ABCA9: variants seen among roughly 807,000 people sequenced by gnomAD.
ABCA9 encodes the protein ATP-binding cassette sub-family A member 9.
In ABCA9, 183 loss-of-function variants were observed where a neutral mutation model predicts 205.3. The ratio of observed to expected loss-of-function variants is 0.89; its 90% CI spans 0.79 to 1.01. The LOEUF is 1.01. Ranked by LOEUF, ABCA9 falls within the 50% of genes least tolerant of loss-of-function variation. ABCA9 has a pLI of 0.00. For synonymous variants in ABCA9, 651 were observed against 683.3 expected (o/e 0.95, Z 0.74); for missense variants, 1,805 against 1,912.4 (o/e 0.94, Z 1.05).
chr17:68,987,758 G>GTTTTTTTTTTTTTTTTTTTTT lies in ABCA9; in HGVS notation c.4047+1268_4047+1269insAAAAAAAAAAAAAAAAAAAAA, dbSNP rs72302464. 5.2e-5 allele frequency among the ~76,000 whole-genome samples: 5 copies of GTTTTTTTTTTTTTTTTTTTTT among 95,416 alleles called. 1 individual carries two copies. The highest frequency in any genetic ancestry group is 8.0e-5 in the Non-Finnish European group (3 of 37,394). 62.6% of individuals were successfully genotyped at this position (95,416 alleles called of 152,430 possible). A position where few individuals can be genotyped will look rare whatever the true frequency, so the allele number is the denominator to read the frequency against. On this transcript the variant is annotated intron_variant, in intron 31 of 38. Transcript: ENST00000340001. ...TGCGTTTTTTTTTGTTTGTTTGTTT[G>GTTTTTTTTTTTTTTTTTTTTT]TTTGTTTGTTTTTTTGTTTGAGATG...
In ABCA9 at chr17:68,986,479, G is replaced by A. The variant is rs576998334; in HGVS notation, c.4048-155C>T. On this transcript the variant is annotated intron_variant, in intron 31 of 38. Transcript: ENST00000340001. ...AATCACTTAACTTTGGGGAAAAGGTGGTAAAAGCCCACTTTAAAAGGCAGA... is the reference window on the plus strand; with the variant it reads ...AATCACTTAACTTTGGGGAAAAGGTAGTAAAAGCCCACTTTAAAAGGCAGA... 6.6e-5 allele frequency: 43 copies of A among 652,018 alleles called. No homozygotes were observed. The African/African-American group carries it at 6.7e-4, about 10-fold the overall frequency. The allele number at this position is 652,018 out of a possible 1,614,324, so 40.4% of individuals were successfully genotyped here. A position where few individuals can be genotyped will look rare whatever the true frequency, so the allele number is the denominator to read the frequency against.
At chr17:69,078,937 A>C in the ABCA9 span, 21 of 1,313,808 alleles carry the variant, frequency 1.6e-5, no homozygotes, top group Non-Finnish European at 2.3e-5. Flanking sequence ...ACATGAGTTT[A>C]TAGGAGATCA....
chr17:69,078,949 CA>C, the ABCA9 span: 2 of 1,504,402 alleles, frequency 1.3e-6, no homozygotes, highest in Non-Finnish European at 1.8e-6. Flanking sequence ...AGGAGATCAA[CA>C]AAAAATTACT....
Position 69,024,239 on chromosome 17 carries a change from A to C in ABCA9, c.2256T>G (p.Pro752=), listed in dbSNP as rs1296890312. The C allele has an allele frequency of 1.9e-6, 3 of 1,612,724 alleles. No individual in the cohort carries two copies. In the Admixed American group the frequency reaches 5.0e-5, roughly 27 times the overall value. The change falls in exon 17 of 39, where the codon CCT becomes CCG. Residue 752 remains proline (P), a synonymous_variant. Transcript: ENST00000340001. The part of the protein sequence containing the change: ...QSEEKLVYIL[P]LERTNKFPEL... ...CTGGAAATTTGTTTGTCCTTTCCAA[A>C]GGCAAAATATATACAAGTTTTTCTT...
At chr17:68,989,195 G>T in intron 30 of ABCA9, 77 bp from the exon 31 acceptor site, 1 of 880,628 alleles carries the variant, frequency 1.1e-6, no homozygotes, top group Non-Finnish European at 1.9e-6. Context: ...TGAGGGCTGT[G>T]TGTCAAGTGC....
chr17:69,025,063 C>T (rs117274466), intron 16 of ABCA9, among the ~76,000 whole-genome samples: 7 of 152,154 alleles, frequency 4.6e-5, no homozygotes, highest in Non-Finnish European at 1.0e-4. Flanking sequence ...AGGTATAGTA[C>T]TTACAAGTGC....
At chr17:69,007,923 T>C (rs1470700564) in intron 24 of ABCA9, 51 bp from the exon 25 acceptor site, 1 of 1,407,716 alleles carries the variant, frequency 7.1e-7, no homozygotes, top group Non-Finnish European at 9.9e-7. Flanking sequence ...TCTAGAAGAG[T>C]ACTCATATTT....
At chr17:69,068,507 C>T in the ABCA9 span, among the ~76,000 whole-genome samples, 5 of 151,982 alleles carry the variant, frequency 3.3e-5, no homozygotes, top group Non-Finnish European at 7.4e-5. Context: ...AAAATAAATA[C>T]CCAGATGCCA....
chr17:68,982,058 C>A (rs2069072648), intron 37 of ABCA9, among the ~76,000 whole-genome samples: 1 of 152,192 alleles, frequency 6.6e-6, no homozygotes, highest in East Asian at 1.9e-4. Flanking sequence ...GATTAACACA[C>A]CTAAACAGAG....
chr17:69,011,913 C>T (rs1421964831), intron 23 of ABCA9, 63 bp downstream of exon 23: 7 of 1,102,832 alleles, frequency 6.3e-6, no homozygotes, highest in Admixed American at 2.4e-5. Context: ...AATTTATAGT[C>T]GTAAGGGTGT....
rs2144180476 is a variant in ABCA9, at chr17:69,008,187, A to T, written c.3196T>A (p.Tyr1066Asn). 1 of 1,614,126 alleles carries T rather than the reference A, an allele frequency of 6.2e-7. No individual in the cohort carries two copies. The highest frequency in any genetic ancestry group is 2.2e-5 in the East Asian group (1 of 44,880). ...LRISGLYPSA[Y>N]WFGQALVDVS... ...TCCACCAGTGCTTGGCCAAACCAGTATGCAGAAGGGTAGAGGCCTGAAATC... is the reference window on the plus strand; with the variant it reads ...TCCACCAGTGCTTGGCCAAACCAGTTTGCAGAAGGGTAGAGGCCTGAAATC... The change falls in exon 24 of 39, where the codon TAC becomes AAC. Residue 1066 changes from tyrosine (Y) to asparagine (N), a missense_variant. By Grantham distance (143) the Tyr-to-Asn change is moderately radical. Coordinates refer to ENST00000340001, the MANE Select transcript of ABCA9 (RefSeq NM_080283.4).
chr17:69,057,926 A>T (rs1458602678), intron 1 of ABCA9, among the ~76,000 whole-genome samples: 3 of 152,188 alleles, frequency 2.0e-5, no homozygotes, highest in Non-Finnish European at 2.9e-5. Flanking sequence ...TAAGCTAGAG[A>T]TGATTTAAAG....
At position 69,050,211 on chromosome 17, in the gene ABCA9, T is replaced by C. The variant is rs2071856073; in HGVS notation, c.97-721A>G. Among the ~76,000 whole-genome samples the C allele has an allele frequency of 2.6e-5, 4 of 152,210 alleles. 1 individual carries two copies. The South Asian group carries it at 8.3e-4, about 32-fold the overall frequency. ...GCTAAAAGTTTAAAGGTAAAACATCTATGTAGGGCGGGATCACAACTTTTA... is the reference window on the plus strand; with the variant it reads ...GCTAAAAGTTTAAAGGTAAAACATCCATGTAGGGCGGGATCACAACTTTTA... On this transcript the variant is annotated intron_variant, in intron 2 of 38. Transcript: ENST00000340001.
At chr17:69,040,503 A>G (rs2071496219) in intron 6 of ABCA9, among the ~76,000 whole-genome samples, 1 of 152,208 alleles carries the variant, frequency 6.6e-6, no homozygotes, top group African/African-American at 2.4e-5. Context: ...GAGTTGAACA[A>G]TGAGAACATA....
intron 3 of ABCA9, among the ~76,000 whole-genome samples, chr17:69,046,445 T>G (rs2071705680): frequency 6.6e-6 from 1 of 152,208 alleles, no homozygotes; most frequent in African/African-American, 2.4e-5. Flanking sequence ...GAGAGGCTTA[T>G]AATTTCTAGT....
chr17:68,997,219 T>C (rs2069653821), intron 25 of ABCA9, among the ~76,000 whole-genome samples: 1 of 152,210 alleles, frequency 6.6e-6, no homozygotes, highest in Non-Finnish European at 1.5e-5. Context: ...GCGTGAGCCA[T>C]TGAGCTCGGC....
Position 68,992,239 on chromosome 17 carries a change from A to G in ABCA9, c.3652T>C (p.Phe1218Leu). The G allele has an allele frequency of 6.3e-7, 1 of 1,598,044 alleles. No homozygotes were observed. The highest frequency in any genetic ancestry group is 8.5e-7 in the Non-Finnish European group (1 of 1,170,898). ...IPYLHFLIFL[F>L]ILRCLEMNCR... ...TTCATTTCTAGGCATCGCAGAATGA[A>G]AAGAAAAATGAGAAAATGAAGGTAA... The change falls in exon 28 of 39, where the codon TTC becomes CTC. Residue 1218 changes from phenylalanine (F) to leucine (L), a missense_variant. Phe to Leu is a conservative substitution (Grantham distance 22). Transcript: ENST00000340001.
intron 31 of ABCA9, among the ~76,000 whole-genome samples, chr17:68,987,040 C>A (rs918530422): frequency 6.6e-6 from 1 of 152,202 alleles, no homozygotes; most frequent in Non-Finnish European, 1.5e-5. Context: ...ATAAGAACAT[C>A]TAATGTGTCC....
chr17:69,015,230 TA>T (rs1474278324), intron 22 of ABCA9, among the ~76,000 whole-genome samples: 1 of 152,154 alleles, frequency 6.6e-6, no homozygotes, highest in Non-Finnish European at 1.5e-5. Flanking sequence ...CCATGCCCCT[TA>T]GGCCACAATT....
Sources: allele counts gnomAD v4.1 joint callset (sites outside exome capture counted in the v4.1 genomes callset), GRCh38; gene constraint gnomAD v4.1.1; transcripts MANE v1.5; gene names NCBI Gene and HGNC (gene_info 2026-07-23, HGNC 2026-07-21).